Variants in ZBTB16 observed in about 807,000 individuals in gnomAD.
The protein encoded by ZBTB16 is zinc finger and BTB domain containing 16.
In ZBTB16, 8 loss-of-function variants were observed where a neutral mutation model predicts 56.8. That is an observed-to-expected ratio of 0.14 (90% CI 0.08 to 0.25). ZBTB16 has a LOEUF of 0.25. ZBTB16 is among the 10% of genes least tolerant of loss of function. The pLI is 1.00. For synonymous variants in ZBTB16, 363 were observed against 368.5 expected, an observed-to-expected ratio of 0.98 and a Z score of 0.17; for missense variants, 625 against 903.0, an observed-to-expected ratio of 0.69 and a Z score of 3.95.
chr11:114,227,476 C>T (rs1319772166), intron 4 of ZBTB16, among the ~76,000 whole-genome samples: 1 of 152,218 alleles, frequency 6.6e-6, no homozygotes, highest in East Asian at 1.9e-4. Flanking sequence ...TCCATCTATT[C>T]GTCCTTCTCT....
chr11:114,239,705 C>G (rs1482624135), intron 4 of ZBTB16, among the ~76,000 whole-genome samples: 2 of 152,142 alleles, frequency 1.3e-5, no homozygotes, highest in Non-Finnish European at 2.9e-5. Flanking sequence ...GACCCAGCCC[C>G]AGCTACTGCC....
Position 114,095,245 on chromosome 11 carries a change from C to CTTTTCT in ZBTB16, c.1268+30681_1268+30682insCTTTTT, listed in dbSNP as rs1555132749. Among the ~76,000 whole-genome samples, 196 of 90,488 alleles carry CTTTTCT rather than the reference C, an allele frequency of 2.2e-3. 6 individuals carry two copies. The highest frequency in any genetic ancestry group is 5.4e-3 in the African/African-American group (88 of 16,168). The allele number at this position is 90,488 out of a possible 152,430, so 59.4% of individuals were successfully genotyped here. A position where few individuals can be genotyped will look rare whatever the true frequency, so the allele number is the denominator to read the frequency against. ...TAACCAATTTCTTTTCTTTTCTTTTCTTTTTTTTTTTTTTTTTTTTTTTTT... is the reference window on the plus strand; with the variant it reads ...TAACCAATTTCTTTTCTTTTCTTTTCTTTTCTTTTTTTTTTTTTTTTTTTTTTTTTT... On this transcript the variant is annotated intron_variant, in intron 2 of 6. Transcript: ENST00000335953.
chr11:114,170,355 G>A (rs1942925138), intron 3 of ZBTB16, among the ~76,000 whole-genome samples: 1 of 152,214 alleles, frequency 6.6e-6, no homozygotes, highest in Admixed American at 6.5e-5. Context: ...CTCAGGACGT[G>A]CCCCAGCCCA....
chr11:114,105,101 A>G (rs1363401415), intron 2 of ZBTB16, among the ~76,000 whole-genome samples: 2 of 152,222 alleles, frequency 1.3e-5, no homozygotes, highest in African/African-American at 4.8e-5. Context: ...ATAGTGGTAC[A>G]TTGAGGAAGT....
intron 3 of ZBTB16, among the ~76,000 whole-genome samples, chr11:114,162,490 C>A (rs913312231): frequency 6.6e-6 from 1 of 152,138 alleles, no homozygotes; most frequent in Non-Finnish European, 1.5e-5. Flanking sequence ...GTCTCTCCTC[C>A]CATTCACCTC....
intron 4 of ZBTB16, among the ~76,000 whole-genome samples, chr11:114,234,989 G>C (rs186545286): frequency 1.7e-4 from 26 of 151,124 alleles, no homozygotes; most frequent in Middle Eastern, 3.4e-3. Flanking sequence ...TCTTAGGAAA[G>C]AGTAATCCCC....
intron 4 of ZBTB16, among the ~76,000 whole-genome samples, chr11:114,221,743 T>C (rs1420286153): frequency 6.6e-6 from 1 of 152,222 alleles, no homozygotes; most frequent in Admixed American, 6.5e-5. Flanking sequence ...TTCCAAGGCC[T>C]GTCAGAGGGA....
rs77868613 is a variant in ZBTB16, at chr11:114,144,601, C to T, written c.1269-11736C>T. ...CGCAGCCTGCTGTGGGACACCATGCCCACTCTAACAAGGCCAGGAAGAGAG... is the reference window on the plus strand; with the variant it reads ...CGCAGCCTGCTGTGGGACACCATGCTCACTCTAACAAGGCCAGGAAGAGAG... On this transcript the variant is annotated intron_variant, in intron 2 of 6. Coordinates refer to ENST00000335953, the MANE Select transcript of ZBTB16 (RefSeq NM_006006.6). Among the ~76,000 whole-genome samples, 990 of 152,356 alleles carry T rather than the reference C, an allele frequency of 6.5e-3. 9 individuals carry two copies. Among genetic ancestry groups the T allele is most frequent in the African/African-American group, 0.023 (949 of 41,594 alleles).
intron 2 of ZBTB16, among the ~76,000 whole-genome samples, chr11:114,097,611 T>A (rs1334281458): frequency 2.6e-5 from 4 of 152,202 alleles, no homozygotes; most frequent in Non-Finnish European, 5.9e-5. Flanking sequence ...TCGCCTGTAC[T>A]CCTGAGTATC....
chr11:114,091,339 C>G (rs1428331475), intron 2 of ZBTB16, among the ~76,000 whole-genome samples: 1 of 152,038 alleles, frequency 6.6e-6, no homozygotes, highest in Admixed American at 6.6e-5. Context: ...AGAGTGGGAC[C>G]CTGTCTCAAA....
At chr11:114,112,706 C>T (rs1456738270) in intron 2 of ZBTB16, among the ~76,000 whole-genome samples, 1 of 151,762 alleles carries the variant, frequency 6.6e-6, no homozygotes, top group East Asian at 1.9e-4. Flanking sequence ...TCTTTAAGAC[C>T]TAGTTGAAAT....
intron 2 of ZBTB16, among the ~76,000 whole-genome samples, chr11:114,131,989 A>G (rs1941672978): frequency 6.6e-6 from 1 of 152,190 alleles, no homozygotes; most frequent in African/African-American, 2.4e-5. Context: ...CTTATGCAGA[A>G]TCTAACTGGG....
At chr11:114,085,973 C>T (rs148021493) in intron 2 of ZBTB16, among the ~76,000 whole-genome samples, 200 of 152,206 alleles carry the variant, frequency 1.3e-3, no homozygotes, top group African/African-American at 4.7e-3. Flanking sequence ...GAATGCAGAG[C>T]CCCTCTGATG....
chr11:114,148,443 C>CTT (rs1942188549), intron 2 of ZBTB16, among the ~76,000 whole-genome samples: 6 of 102,598 alleles, frequency 5.8e-5, no homozygotes, highest in African/African-American at 1.2e-4. Flanking sequence ...CTCTTTCTCT[C>CTT]TCTCTGTCTG....
At chr11:114,192,193 C>T (rs1943511157) in intron 4 of ZBTB16, among the ~76,000 whole-genome samples, 1 of 152,176 alleles carries the variant, frequency 6.6e-6, no homozygotes, top group South Asian at 2.1e-4. Flanking sequence ...CTTTGCATGG[C>T]TTCTCTCTTC....
chr11:114,143,607 T>C lies in ZBTB16; in HGVS notation c.1269-12730T>C, dbSNP rs1056984346. 7.2e-5 allele frequency among the ~76,000 whole-genome samples: 11 copies of C among 152,260 alleles called. No homozygotes were observed. The highest frequency in any genetic ancestry group is 1.3e-4 in the Non-Finnish European group (9 of 68,016). ...TCCTCCCTCCATCCCAGATGTGTGA[T>C]GTTGTGGTCAGGTGATCACTGATGT... is the stretch of plus-strand genomic sequence containing the variant. On this transcript the variant is annotated intron_variant, in intron 2 of 6. Transcript: ENST00000335953. The surrounding 1 kb of genome is among the most constrained non-coding windows in gnomAD (Gnocchi z 6.4).
intron 2 of ZBTB16, among the ~76,000 whole-genome samples, chr11:114,093,595 A>G (rs2137732877): frequency 6.6e-6 from 1 of 152,292 alleles, no homozygotes; most frequent in South Asian, 2.1e-4. Context: ...AGGTAGAACC[A>G]AGACTATAGC....
At chr11:114,202,034 G>A (rs1943748511) in intron 4 of ZBTB16, among the ~76,000 whole-genome samples, 1 of 152,254 alleles carries the variant, frequency 6.6e-6, no homozygotes, top group East Asian at 1.9e-4. Context: ...ACACTGGCAG[G>A]TGCCTCAGTT....
At chr11:114,148,393 TTCCCTCCCTC>T (rs1591715910) in intron 2 of ZBTB16, among the ~76,000 whole-genome samples, 1 of 27,418 alleles carries the variant, frequency 3.6e-5, no homozygotes, top group East Asian at 9.0e-4. Context: ...TCCTTCCTCC[TTCCCTCCCTC>T]CCTCCCTCCC....
Sources: allele counts gnomAD v4.1 joint callset (sites outside exome capture counted in the v4.1 genomes callset), GRCh38; gene constraint gnomAD v4.1.1; non-coding constraint Gnocchi (gnomAD v3.1); transcripts MANE v1.5; gene names NCBI Gene and HGNC (gene_info 2026-07-23, HGNC 2026-07-21).